Variants in ZNF704 observed in about 807,000 individuals in gnomAD.
ZNF704 encodes the protein zinc finger protein 704, also known as glucocorticoid induced gene 1.
Under a neutral mutation model 44.7 loss-of-function variants are expected in ZNF704, and 10 were observed. That is an observed-to-expected ratio of 0.22 (90% CI 0.14 to 0.38). ZNF704 has a LOEUF of 0.38. Among genes scored for constraint, ZNF704 ranks in the 10% least tolerant of loss-of-function variants. The pLI is 1.00. For synonymous variants in ZNF704, 211 were observed against 207.6 expected, an observed-to-expected ratio of 1.02 and a Z score of -0.14; for missense variants, 390 against 545.5, an observed-to-expected ratio of 0.71 and a Z score of 2.84.
the ZNF704 span, among the ~76,000 whole-genome samples, chr8:80,883,771 T>G: frequency 6.6e-6 from 1 of 152,250 alleles, no homozygotes; most frequent in Non-Finnish European, 1.5e-5. Flanking sequence ...GTTTTGAATT[T>G]GAGCTTATTT....
At chr8:80,648,785 G>A (rs2131594405) in intron 7 of ZNF704, among the ~76,000 whole-genome samples, 1 of 152,274 alleles carries the variant, frequency 6.6e-6, no homozygotes, top group Admixed American at 6.5e-5. Flanking sequence ...TTATAGATGA[G>A]AAAATGGAGA....
At chr8:80,656,676 A>T (rs1238070218) in intron 7 of ZNF704, among the ~76,000 whole-genome samples, 1 of 152,174 alleles carries the variant, frequency 6.6e-6, no homozygotes, top group African/African-American at 2.4e-5. Flanking sequence ...TAGGCAAATG[A>T]ATAAATAAAA....
chr8:80,871,951 A>T (rs991102169), intron 1 of ZNF704, among the ~76,000 whole-genome samples: 10 of 152,262 alleles, frequency 6.6e-5, no homozygotes, highest in African/African-American at 2.4e-4. Flanking sequence ...TTACTGATCA[A>T]GTGAATTATC....
intron 2 of ZNF704, among the ~76,000 whole-genome samples, chr8:80,700,725 A>G (rs1368272680): frequency 6.6e-6 from 1 of 152,216 alleles, no homozygotes. Context: ...CAATTGTTGA[A>G]GCCAGGGAAT....
rs780264820 is a variant in ZNF704 at position 80,709,442 on chromosome 8, C to CAAAAAAAA, written c.222-16343_222-16336dup. On this transcript the variant is annotated intron_variant, in intron 2 of 8. Coordinates refer to ENST00000327835, the MANE Select transcript of ZNF704 (RefSeq NM_001033723.3). ...TTGGCAACAGTGCGAGACTCCATCT[C>CAAAAAAAA]AAAAAAAAAAAAAAAAAAAAAAAAA... 3.8e-4 allele frequency among the ~76,000 whole-genome samples: 6 copies of CAAAAAAAA among 15,884 alleles called. 1 individual carries two copies. The highest frequency in any genetic ancestry group is 5.3e-4 in the Non-Finnish European group (4 of 7,568). 10.4% of individuals were successfully genotyped at this position (15,884 alleles called of 152,430 possible). A position where few individuals can be genotyped will look rare whatever the true frequency, so the allele number is the denominator to read the frequency against.
At chr8:80,827,492 C>T (rs953577835) in intron 1 of ZNF704, among the ~76,000 whole-genome samples, 1 of 152,158 alleles carries the variant, frequency 6.6e-6, no homozygotes, top group African/African-American at 2.4e-5. Context: ...AATGGCCATA[C>T]TGCCCAAGGT....
chr8:80,677,751 T>A (rs918395425), intron 4 of ZNF704, among the ~76,000 whole-genome samples: 1 of 152,204 alleles, frequency 6.6e-6, no homozygotes, highest in African/African-American at 2.4e-5. Context: ...ATATTTGTTA[T>A]GTTCAATCTC....
intron 2 of ZNF704, among the ~76,000 whole-genome samples, chr8:80,797,505 C>CT (rs144258760): frequency 0.046 from 6,955 of 152,230 alleles, 554 homozygotes; most frequent in African/African-American, 0.16. Context: ...ATATGTATGC[C>CT]TCCAAGGTTG....
intron 2 of ZNF704, among the ~76,000 whole-genome samples, chr8:80,765,207 GA>G (rs1807208692): frequency 6.6e-6 from 1 of 152,162 alleles, no homozygotes; most frequent in Non-Finnish European, 1.5e-5. Flanking sequence ...GACAACAGGA[GA>G]AAAGTCTGCC....
intron 2 of ZNF704, among the ~76,000 whole-genome samples, chr8:80,797,190 C>T (rs1807820607): frequency 6.6e-6 from 1 of 152,172 alleles, no homozygotes; most frequent in South Asian, 2.1e-4. Flanking sequence ...AGCTCTGCCC[C>T]CATGGCATTC....
At chr8:80,664,022 T>C (rs1344857295) in intron 6 of ZNF704, among the ~76,000 whole-genome samples, 1 of 152,040 alleles carries the variant, frequency 6.6e-6, no homozygotes, top group Non-Finnish European at 1.5e-5. Context: ...TGAGCCACTG[T>C]GCCCGGCCTT....
intron 1 of ZNF704, among the ~76,000 whole-genome samples, chr8:80,857,898 AT>A (rs1211916719): frequency 4.6e-5 from 7 of 151,750 alleles, no homozygotes; most frequent in Admixed American, 4.6e-4. Flanking sequence ...TTTTATTTTT[AT>A]TTTTTTCCCC....
intron 2 of ZNF704, among the ~76,000 whole-genome samples, chr8:80,802,595 A>T (rs1053224917): frequency 9.2e-5 from 14 of 152,180 alleles, no homozygotes; most frequent in Non-Finnish European, 1.8e-4. Flanking sequence ...AAAACACAAA[A>T]TTATCTCAAT....
At chr8:80,863,693 C>T (rs575695006) in intron 1 of ZNF704, among the ~76,000 whole-genome samples, 86 of 152,244 alleles carry the variant, frequency 5.6e-4, no homozygotes, top group African/African-American at 1.9e-3. Flanking sequence ...TGGAAATAAA[C>T]GTTGAACAAT....
At chr8:80,773,197 TTC>T (rs1383791614) in intron 2 of ZNF704, among the ~76,000 whole-genome samples, 11 of 152,306 alleles carry the variant, frequency 7.2e-5, no homozygotes, top group African/African-American at 2.4e-4. Flanking sequence ...TGTTTTTTAT[TTC>T]TGTTTTCTTT....
intron 2 of ZNF704, among the ~76,000 whole-genome samples, chr8:80,814,915 G>A (rs1272354226): frequency 6.6e-6 from 1 of 152,030 alleles, no homozygotes; most frequent in Non-Finnish European, 1.5e-5. Flanking sequence ...AATTTGACAT[G>A]GGCGACTTTC....
chr8:80,660,673 G>C (rs1413998830), intron 6 of ZNF704, among the ~76,000 whole-genome samples: 1 of 152,094 alleles, frequency 6.6e-6, no homozygotes, highest in Non-Finnish European at 1.5e-5. Context: ...AAGGCGATGA[G>C]AACATACACT....
chr8:80,814,845 T>G (rs1808149724), intron 2 of ZNF704, among the ~76,000 whole-genome samples: 1 of 152,200 alleles, frequency 6.6e-6, no homozygotes, highest in Non-Finnish European at 1.5e-5. Flanking sequence ...CAGGAACTGC[T>G]AGGCTTCTAG....
chr8:80,879,145 A>C (rs1471082724), upstream of ZNF704, among the ~76,000 whole-genome samples: 1 of 152,218 alleles, frequency 6.6e-6, no homozygotes, highest in African/African-American at 2.4e-5. Context: ...CATGATATAA[A>C]ATGTCAACTT....
Sources: gnomAD v4.1 joint callset for allele counts (sites outside exome capture counted in the v4.1 genomes callset) on GRCh38, gnomAD v4.1.1 for gene constraint, MANE v1.5 for transcripts, NCBI Gene and HGNC (gene_info 2026-07-23, HGNC 2026-07-21) for gene names.